The following MDGA2 variants were observed in gnomAD, a reference collection of about 807,000 sequenced individuals.
The protein encoded by MDGA2 is MAM domain-containing glycosylphosphatidylinositol anchor protein 2.
In MDGA2, 40 loss-of-function variants were observed where a neutral mutation model predicts 117.8. The ratio of observed to expected loss-of-function variants is 0.34; its 90% confidence interval spans 0.26 to 0.44. The LOEUF (loss-of-function observed/expected upper bound fraction) is 0.44. Among genes scored for constraint, MDGA2 ranks in the 20% least tolerant of loss-of-function variants. The pLI, the probability that MDGA2 is intolerant of heterozygous loss-of-function variation, is 1.00. For synonymous variants in MDGA2, 452 were observed against 439.0 expected, an observed-to-expected ratio of 1.03 and a Z score of -0.37; for missense variants, 1,123 against 1,250.6, an observed-to-expected ratio of 0.90 and a Z score of 1.54.
intron 3 of MDGA2, among the ~76,000 whole-genome samples, chr14:47,194,745 A>ACTCTCTCTCTCTCACTCT (rs1885228602): frequency 6.7e-6 from 1 of 150,356 alleles, no homozygotes; most frequent in Admixed American, 6.6e-5. Flanking sequence ...GGTGAATCTC[A>ACTCTCTCTCTCTCACTCT]CTCTCTCTCT....
intron 9 of MDGA2, among the ~76,000 whole-genome samples, chr14:46,943,834 A>G (rs1885648679): frequency 6.6e-6 from 1 of 152,086 alleles, no homozygotes; most frequent in Non-Finnish European, 1.5e-5. Context: ...CTTGAGCCAT[A>G]TGGTCATTGT....
intron 2 of MDGA2, among the ~76,000 whole-genome samples, chr14:47,281,823 G>C (rs57997069): frequency 0.029 from 4,445 of 152,098 alleles, 214 homozygotes; most frequent in African/African-American, 0.1. Context: ...TTGGGAGACC[G>C]AGGTGAGCCG....
At chr14:47,582,698 G>A (rs1233949026) in intron 1 of MDGA2, among the ~76,000 whole-genome samples, 1 of 151,868 alleles carries the variant, frequency 6.6e-6, no homozygotes, top group African/African-American at 2.4e-5. Context: ...TGCTAGGCTT[G>A]TGCTACAGTG....
rs556327011 is a variant in MDGA2, at chr14:47,580,048, A to T, written c.280+94469T>A. Among the ~76,000 whole-genome samples the T allele has an allele frequency of 5.9e-5, 9 of 152,206 alleles. No homozygotes were observed. In the South Asian group the frequency reaches 1.9e-3, roughly 32 times the overall value. ...CAAAGAGATTGTTTTTCTTTGTCAA[A>T]TTCACACCCCAATTAAATGGTAGAG... On this transcript the variant is annotated intron_variant, in intron 1 of 16. Coordinates refer to ENST00000399232, the MANE Select transcript of MDGA2 (RefSeq NM_001113498.3).
At chr14:47,370,028 G>C (rs1364177500) in intron 1 of MDGA2, among the ~76,000 whole-genome samples, 1 of 151,718 alleles carries the variant, frequency 6.6e-6, no homozygotes, top group Non-Finnish European at 1.5e-5. Context: ...CAATAATTCT[G>C]ACATTTATGT....
intron 1 of MDGA2, among the ~76,000 whole-genome samples, chr14:47,634,753 CTTTTG>C (rs1897296575): frequency 6.6e-6 from 1 of 151,948 alleles, no homozygotes; most frequent in African/African-American, 2.4e-5. Flanking sequence ...GCAAAGAATA[CTTTTG>C]TTTTATTTAC....
chr14:47,252,223 T>C (rs1887471306), intron 2 of MDGA2, among the ~76,000 whole-genome samples: 1 of 152,110 alleles, frequency 6.6e-6, no homozygotes, highest in Non-Finnish European at 1.5e-5. Flanking sequence ...AATTCATAAA[T>C]ACTAGATTCT....
intron 3 of MDGA2, among the ~76,000 whole-genome samples, chr14:47,212,190 C>G (rs1418159806): frequency 2.6e-5 from 4 of 152,076 alleles, no homozygotes; most frequent in African/African-American, 9.7e-5. Flanking sequence ...ATTCCTTATG[C>G]TATTTGCCTA....
chr14:47,152,944 A>T (rs1016993600), intron 3 of MDGA2, among the ~76,000 whole-genome samples: 3 of 152,192 alleles, frequency 2.0e-5, no homozygotes, highest in South Asian at 2.1e-4. Context: ...GTATAGAGTA[A>T]TGTATACATG....
chr14:47,487,658 C>A (rs981002042), intron 1 of MDGA2, among the ~76,000 whole-genome samples: 1 of 152,074 alleles, frequency 6.6e-6, no homozygotes, highest in Non-Finnish European at 1.5e-5. Flanking sequence ...TTATTTGAGC[C>A]TGACATCTCT....
chr14:47,217,577 GCT>G (rs1886140179), intron 3 of MDGA2, among the ~76,000 whole-genome samples: 1 of 151,850 alleles, frequency 6.6e-6, no homozygotes, highest in Admixed American at 6.6e-5. Flanking sequence ...AATTCATAAT[GCT>G]CTGTTTGTAT....
At chr14:47,497,556 C>T (rs917234593) in intron 1 of MDGA2, among the ~76,000 whole-genome samples, 1 of 152,052 alleles carries the variant, frequency 6.6e-6, no homozygotes, top group Non-Finnish European at 1.5e-5. Flanking sequence ...CCACACCTGG[C>T]CAATATTGAG....
chr14:47,655,629 G>T (rs1027566898), intron 1 of MDGA2, among the ~76,000 whole-genome samples: 1 of 152,066 alleles, frequency 6.6e-6, no homozygotes, highest in Non-Finnish European at 1.5e-5. Flanking sequence ...AAGACAAATT[G>T]ATGCACATTC....
intron 6 of MDGA2, among the ~76,000 whole-genome samples, chr14:47,084,314 C>T (rs144169048): frequency 1.7e-4 from 26 of 151,712 alleles, no homozygotes; most frequent in African/African-American, 4.6e-4. Flanking sequence ...CAAAGAAGTA[C>T]CAAGGGAAAT....
chr14:47,663,639 A>C (rs1416341205), intron 1 of MDGA2, among the ~76,000 whole-genome samples: 1 of 152,224 alleles, frequency 6.6e-6, no homozygotes, highest in East Asian at 1.9e-4. Flanking sequence ...CTAATTTAAA[A>C]ATGTTTTAAA....
intron 1 of MDGA2, among the ~76,000 whole-genome samples, chr14:47,388,699 A>G (rs1367174425): frequency 6.6e-6 from 1 of 152,182 alleles, no homozygotes; most frequent in Non-Finnish European, 1.5e-5. Context: ...TTCTTCTATC[A>G]TGCTTAGAAA....
intron 3 of MDGA2, among the ~76,000 whole-genome samples, chr14:47,177,184 C>G (rs1028273680): frequency 3.9e-5 from 6 of 152,188 alleles, no homozygotes; most frequent in Non-Finnish European, 5.9e-5. Flanking sequence ...GAAATAGGAA[C>G]ACTTTTACAC....
intron 2 of MDGA2, among the ~76,000 whole-genome samples, chr14:47,284,248 A>G (rs907750097): frequency 2.6e-5 from 4 of 152,182 alleles, no homozygotes; most frequent in Non-Finnish European, 4.4e-5. Flanking sequence ...GAGACATGCA[A>G]AGTCAGCTTA....
chr14:47,130,761 C>G (rs1882162406), intron 5 of MDGA2, among the ~76,000 whole-genome samples: 2 of 152,004 alleles, frequency 1.3e-5, no homozygotes, highest in Non-Finnish European at 2.9e-5. Flanking sequence ...ACTTGCTCAA[C>G]AAGGTGCAAA....
Sources: allele counts gnomAD v4.1 joint callset (sites outside exome capture counted in the v4.1 genomes callset), GRCh38; gene constraint gnomAD v4.1.1; transcripts MANE v1.5; gene names NCBI Gene and HGNC (gene_info 2026-07-23, HGNC 2026-07-21).